The following CAD variants were observed in gnomAD, a reference collection of about 807,000 sequenced individuals.
CAD encodes the protein carbamoyl-phosphate synthetase 2, aspartate transcarbamylase, and dihydroorotase, also known as multifunctional protein CAD.
Under a neutral mutation model 237.2 loss-of-function variants are expected in CAD, and 81 were observed. The ratio of observed to expected loss-of-function variants is 0.34; its 90% CI spans 0.29 to 0.41. The LOEUF (loss-of-function observed/expected upper bound fraction) is 0.41, where lower values mean the gene tolerates loss of function less well. Ranked by LOEUF, CAD falls within the 10% of genes least tolerant of loss-of-function variation. CAD has a pLI of 1.00. For missense variants in CAD, 2,181 were observed against 2,951.7 expected (o/e 0.74, Z 6.05); for synonymous variants, 1,196 against 1,162.8 (o/e 1.03, Z -0.58).
chr2:27,241,775 C>T lies in CAD; in HGVS notation c.5884-136C>T. 1.5e-6 allele frequency: 1 copy of T among 669,844 alleles called. No homozygotes were observed. Among genetic ancestry groups the T allele is most frequent in the South Asian group, 1.9e-5 (1 of 53,738 alleles). The allele number at this position is 669,844 out of a possible 1,614,324, so 41.5% of individuals were successfully genotyped here. Reference sequence around the variant, plus strand: ...AGTGGTGGAAACGTCAAGGCTCTGACAGGTCACAGGGGAGGTTTGGGTGCA... The same window carrying T: ...AGTGGTGGAAACGTCAAGGCTCTGATAGGTCACAGGGGAGGTTTGGGTGCA... On this transcript the variant is annotated intron_variant, in intron 38 of 43. Transcript: ENST00000264705. This position sits in a 1 kb window ranked among gnomAD's most constrained non-coding sequence, Gnocchi z 4.6.
rs1343518775 is a variant in CAD at position 27,232,108 on chromosome 2, C to T, written c.2529C>T (p.Ile843=). 1 of 1,614,258 alleles carries T rather than the reference C, an allele frequency of 6.2e-7. No homozygotes were observed. Among genetic ancestry groups the T allele is most frequent in the Non-Finnish European group, 8.5e-7 (1 of 1,180,046 alleles). The stretch of plus-strand genomic sequence containing the variant: ...GGTTCCTGCACCGAATGAAGCGTAT[C>T]ATCGCACATGCCCAGCTGCTAGAAC... ...DRWFLHRMKR[I]IAHAQLLEQH... is the part of the protein sequence containing the mutation. Residue 843 remains isoleucine (I), a synonymous_variant, in exon 17 of 44, where the codon ATC becomes ATT. Coordinates refer to ENST00000264705, the MANE Select transcript of CAD (RefSeq NM_004341.5). This position sits in a 1 kb window ranked among gnomAD's most constrained non-coding sequence, Gnocchi z 4.1.
intron 3 of CAD, among the ~76,000 whole-genome samples, chr2:27,221,708 A>G (rs900528010): frequency 4.6e-5 from 7 of 151,428 alleles, no homozygotes; most frequent in African/African-American, 1.7e-4. Flanking sequence ...AAAAAAATTA[A>G]TAATTCCCTA....
chr2:27,229,051 T>G (rs1443131687), intron 15 of CAD, among the ~76,000 whole-genome samples: 2 of 151,670 alleles, frequency 1.3e-5, no homozygotes, highest in Non-Finnish European at 2.9e-5. Flanking sequence ...CCTGAGTAGC[T>G]GGGACTACAG....
In CAD at chr2:27,223,917, T is replaced by C. The variant is rs149379917; in HGVS notation, c.996T>C (p.Ser332=). The change falls in exon 8 of 44, where the codon AGT becomes AGC. Residue 332 remains serine (S), a splice_region_variant and synonymous_variant. Transcript: ENST00000264705. The part of the protein sequence containing the change: ...GIVHNSLPFF[S]VQFHPEHQAG... ...TTTCATGATGCAATCTCTTCAATAGTGTCCAGTTTCACCCAGAGCACCAAG... is the reference window on the plus strand; with the variant it reads ...TTTCATGATGCAATCTCTTCAATAGCGTCCAGTTTCACCCAGAGCACCAAG... 1.5e-5 allele frequency: 24 copies of C among 1,607,742 alleles called. No individual in the cohort carries two copies. The highest frequency in any genetic ancestry group is 1.6e-4 in the Middle Eastern group (1 of 6,064).
In CAD at chr2:27,236,450, G is replaced by A; in HGVS notation, c.4241G>A (p.Arg1414His). 3.1e-6 allele frequency: 5 copies of A among 1,614,036 alleles called. No individual in the cohort carries two copies. The highest frequency in any genetic ancestry group is 4.2e-6 in the Non-Finnish European group (5 of 1,180,036). The change falls in exon 26 of 44, where the codon CGC becomes CAC. Residue 1414 changes from arginine to histidine, a missense_variant. Arg to His is a conservative substitution (Grantham distance 29). Transcript: ENST00000264705. The surrounding 1 kb of genome is among the most constrained non-coding windows in gnomAD (Gnocchi z 4.1). ...TCTTCCTTTGTCACCAAGGGCTACC[G>A]CACCCGACGCTTGGCCGCTGACTTC... ...RLSSFVTKGY[R>H]TRRLAADFSV... is the part of the protein sequence containing the mutation.
chr2:27,220,773 A>G (rs1202635391), intron 2 of CAD, among the ~76,000 whole-genome samples: 3 of 152,082 alleles, frequency 2.0e-5, no homozygotes. Flanking sequence ...CCTGGCTAAC[A>G]TGGTGAAACC....
rs762211586 is a variant in CAD, at chr2:27,232,261, G to T, written c.2645+37G>T. On this transcript the variant is annotated intron_variant, in intron 17 of 43. Transcript: ENST00000264705. The surrounding 1 kb of genome is among the most constrained non-coding windows in gnomAD (Gnocchi z 4.1). ...CAATGAGAGCTTCCGGCTGGGAAAT[G>T]TGGGGCAGAACCTTTGTATCAGTGA... 2 of 1,609,848 alleles carry T rather than the reference G, an allele frequency of 1.2e-6. No homozygotes were observed. The highest frequency in any genetic ancestry group is 2.2e-5 in the South Asian group (2 of 90,772).
At position 27,237,439 on chromosome 2, in the gene CAD, C is replaced by A; in HGVS notation, c.4457C>A (p.Ala1486Asp). 2 of 1,614,210 alleles carry A rather than the reference C, an allele frequency of 1.2e-6. No individual in the cohort carries two copies. The highest frequency in any genetic ancestry group is 2.2e-5 in the South Asian group (2 of 91,088). The change falls in exon 28 of 44, where the codon GCT (alanine) becomes GAT (aspartate). Residue 1486 changes from alanine (A) to aspartate (D), a missense_variant. By Grantham distance (126) the Ala-to-Asp change is moderately radical (BLOSUM62 -2). Around this residue, in one of 12 missense-constraint regions of CAD, gnomAD observed 478 missense variants for 515.0 expected, o/e 0.93. Transcript: ENST00000264705. This position sits in a 1 kb window ranked among gnomAD's most constrained non-coding sequence, Gnocchi z 4.0. The stretch of plus-strand genomic sequence containing the variant: ...GGTGGGACACATAAGGAGGACTTTG[C>A]TTCAGGCACAGCCGCTGCCCTGGCT... Reference protein sequence around the residue: ...EPGGTHKEDFASGTAAALAGG... With the variant: ...EPGGTHKEDFDSGTAAALAGG...
chr2:27,219,509 CTTT>C (rs1675049165), intron 2 of CAD, among the ~76,000 whole-genome samples: 1 of 151,976 alleles, frequency 6.6e-6, no homozygotes, highest in African/African-American at 2.4e-5. Context: ...TGCCTGGCTA[CTTT>C]TTTTGTATTT....
In CAD at chr2:27,241,482, G is replaced by A; in HGVS notation, c.5883+86G>A. On this transcript the variant is annotated intron_variant, in intron 38 of 43. Coordinates refer to ENST00000264705, the MANE Select transcript of CAD (RefSeq NM_004341.5). This position sits in a 1 kb window ranked among gnomAD's most constrained non-coding sequence, Gnocchi z 4.6. ...CAGGGCCGCGCAGTGGTCAGAGTGGGTCTTCCTCCCCCTGCCATCCCGTCC... is the reference window on the plus strand; with the variant it reads ...CAGGGCCGCGCAGTGGTCAGAGTGGATCTTCCTCCCCCTGCCATCCCGTCC... The A allele has an allele frequency of 1.6e-6, 2 of 1,270,612 alleles. No individual in the cohort carries two copies. The highest frequency in any genetic ancestry group is 2.3e-5 in the East Asian group (1 of 43,220). The allele number at this position is 1,270,612 out of a possible 1,614,324, so 78.7% of individuals were successfully genotyped here. A position where few individuals can be genotyped will look rare whatever the true frequency, so the allele number is the denominator to read the frequency against.
At position 27,241,957 on chromosome 2, in the gene CAD, G is replaced by A; in HGVS notation, c.5930G>A (p.Ser1977Asn). The A allele has an allele frequency of 6.2e-7, 1 of 1,613,714 alleles. No homozygotes were observed. Among genetic ancestry groups the A allele is most frequent in the African/African-American group, 1.3e-5 (1 of 75,058 alleles). The change falls in exon 39 of 44, where the codon AGC becomes AAC. Residue 1977 changes from serine (S) to asparagine (N), a missense_variant. Transcript: ENST00000264705. This position sits in a 1 kb window ranked among gnomAD's most constrained non-coding sequence, Gnocchi z 4.6. ...SMFYEVSTRTSSSFAAAMARL... is the reference protein window; with the variant it reads ...SMFYEVSTRTNSSFAAAMARL... ...TTCTATGAAGTGAGCACACGGACCA[G>A]CAGCTCCTTTGCAGCAGCCATGGCC...
Position 27,243,554 on chromosome 2 carries a change from G to C in CAD, c.*36G>C. ...CCTCAGCCTCTTCTCTTTAGGCCCA[G>C]CTGCTGGGCAAGGAATTCCAGTGCC... On this transcript the variant is annotated 3_prime_UTR_variant, in exon 44 of 44. Coordinates refer to ENST00000264705, the MANE Select transcript of CAD (RefSeq NM_004341.5). 1 of 1,503,082 alleles carries C rather than the reference G, an allele frequency of 6.7e-7. No homozygotes were observed. Among genetic ancestry groups the C allele is most frequent in the Non-Finnish European group, 9.1e-7 (1 of 1,102,218 alleles). 93.1% of individuals were successfully genotyped at this position (1,503,082 alleles called of 1,614,324 possible).
chr2:27,223,141 CG>C lies in CAD; in HGVS notation c.809+111del, dbSNP rs572820841. The C allele has an allele frequency of 2.5e-4, 308 of 1,256,710 alleles. 1 individual carries two copies. In the African/African-American group the frequency reaches 3.9e-3, roughly 16 times the overall value. 77.8% of individuals were successfully genotyped at this position (1,256,710 alleles called of 1,614,324 possible). ...GTGTTTATTCGTGTTGAAATAGGAG[CG>C]GGGGGGTTGCAGGTGAGGTGGCTCC... On this transcript the variant is annotated intron_variant, in intron 6 of 43. Coordinates refer to ENST00000264705, the MANE Select transcript of CAD (RefSeq NM_004341.5).
Position 27,233,249 on chromosome 2 carries a change from C to G in CAD, c.2992-63C>G. 1 of 1,530,444 alleles carries G rather than the reference C, an allele frequency of 6.5e-7. No homozygotes were observed. The highest frequency in any genetic ancestry group is 1.1e-5 in the South Asian group (1 of 88,996). 94.8% of individuals were successfully genotyped at this position (1,530,444 alleles called of 1,614,324 possible). ...GGTGGCGGCTGAGGGAAGCAGTGAG[C>G]AGGAAGGCTCAGATTCCTGCCCTCT... On this transcript the variant is annotated intron_variant, in intron 19 of 43. Transcript: ENST00000264705. The surrounding 1 kb of genome is among the most constrained non-coding windows in gnomAD (Gnocchi z 6.3).
rs1004680271 is a variant in CAD, at chr2:27,217,439, C to A, written c.-113C>A. ...CGCGCCCGGCTTCTCTCCAGCGCCC[C>A]GCGCCGTTAGCCACGTGGACCGACT... is the stretch of plus-strand genomic sequence containing the variant. On this transcript the variant is annotated 5_prime_UTR_variant, in exon 1 of 44. Coordinates refer to ENST00000264705, the MANE Select transcript of CAD (RefSeq NM_004341.5). 1 of 927,092 alleles carries A rather than the reference C, an allele frequency of 1.1e-6. No individual in the cohort carries two copies. The highest frequency in any genetic ancestry group is 1.7e-6 in the Non-Finnish European group (1 of 583,028). The allele number at this position is 927,092 out of a possible 1,614,324, so 57.4% of individuals were successfully genotyped here.
Position 27,233,466 on chromosome 2 carries a change from T to A in CAD, c.3146T>A (p.Phe1049Tyr). The A allele has an allele frequency of 1.2e-6, 2 of 1,614,238 alleles. No homozygotes were observed. Among genetic ancestry groups the A allele is most frequent in the Non-Finnish European group, 8.5e-7 (1 of 1,180,038 alleles). ...GCCATTGACTCGGCTGAGAACCGTT[T>A]CAAGTTTTCCCGGCTCCTTGACACC... is the stretch of plus-strand genomic sequence containing the variant. ...PEAIDSAENR[F>Y]KFSRLLDTIG... Residue 1049 changes from phenylalanine (F) to tyrosine (Y), a missense_variant, in exon 20 of 44, where the codon TTC becomes TAC. Around this residue, in one of 12 missense-constraint regions of CAD, gnomAD observed 306 missense variants for 607.9 expected, o/e 0.50. Coordinates refer to ENST00000264705, the MANE Select transcript of CAD (RefSeq NM_004341.5). This position sits in a 1 kb window ranked among gnomAD's most constrained non-coding sequence, Gnocchi z 6.3.
At chr2:27,229,718 A>G (rs1206867150) in intron 15 of CAD, among the ~76,000 whole-genome samples, 3 of 151,748 alleles carry the variant, frequency 2.0e-5, no homozygotes, top group Non-Finnish European at 2.9e-5. Flanking sequence ...TCTAGAAAAT[A>G]TACAAAAATT....
rs1343291871 is a variant in CAD, at chr2:27,225,917, C to G, written c.1833C>G (p.Asn611Lys). Residue 611 changes from asparagine (N) to lysine (K), a missense_variant, in exon 12 of 44, where the codon AAC (asparagine) becomes AAG (lysine). Around this residue, in one of 12 missense-constraint regions of CAD, gnomAD observed 385 missense variants for 535.1 expected, o/e 0.72. Coordinates refer to ENST00000264705, the MANE Select transcript of CAD (RefSeq NM_004341.5). ...AGGTGGTGAGAGACGCCTATGGCAACTGTGTCACGGTGAGTGAATGGGGGA... is the reference window on the plus strand; with the variant it reads ...AGGTGGTGAGAGACGCCTATGGCAAGTGTGTCACGGTGAGTGAATGGGGGA... ...EYEVVRDAYG[N>K]CVTVCNMENL... 6.2e-7 allele frequency: 1 copy of G among 1,613,916 alleles called. No individual in the cohort carries two copies. Among genetic ancestry groups the G allele is most frequent in the South Asian group, 1.1e-5 (1 of 91,086 alleles).
At position 27,242,917 on chromosome 2, in the gene CAD, C is replaced by T. The variant is rs1256535811; in HGVS notation, c.6424C>T (p.Leu2142Phe). 1 of 1,612,212 alleles carries T rather than the reference C, an allele frequency of 6.2e-7. No homozygotes were observed. Among genetic ancestry groups the T allele is most frequent in the South Asian group, 1.1e-5 (1 of 91,028 alleles). ...GGAGGCGCTGCCTGACACTGATGTG[C>T]TCTACATGACTCGAATCCAGAAGGA... Reference protein sequence around the residue: ...IEEALPDTDVLYMTRIQKERF... With the variant: ...IEEALPDTDVFYMTRIQKERF... The change falls in exon 42 of 44, where the codon CTC becomes TTC. Residue 2142 changes from leucine (L) to phenylalanine (F), a missense_variant. This residue lies in a region of CAD where 170 missense variants were observed against 212.1 expected (regional missense o/e 0.80). Transcript: ENST00000264705. The surrounding 1 kb of genome is among the most constrained non-coding windows in gnomAD (Gnocchi z 6.4).
Sources: allele counts gnomAD v4.1 joint callset (sites outside exome capture counted in the v4.1 genomes callset), GRCh38; gene constraint gnomAD v4.1.1; regional missense constraint gnomAD v4.1.1; non-coding constraint Gnocchi (gnomAD v3.1); transcripts MANE v1.5; gene names NCBI Gene and HGNC (gene_info 2026-07-23, HGNC 2026-07-21).